The following ENTHD1 variants were observed in gnomAD, a reference collection of about 807,000 sequenced individuals.
ENTHD1 encodes ENTH domain containing 1.
ENTHD1 carries 23 observed loss-of-function variants against 39.1 expected under a neutral mutation model. The observed-to-expected ratio is 0.59, with a 90% CI of 0.42 to 0.83. The LOEUF is 0.83. ENTHD1 is among the 40% of genes least tolerant of loss of function. The probability of loss-of-function intolerance (pLI) is 0.00; values close to 1 mark genes in which losing one functional copy is unlikely to be tolerated. For missense variants in ENTHD1, 624 were observed against 705.4 expected (o/e 0.88, Z 1.31); for synonymous variants, 230 against 258.2 (o/e 0.89, Z 1.05).
At chr22:39,831,691 T>C (rs1003893953) in intron 4 of ENTHD1, among the ~76,000 whole-genome samples, 2 of 151,538 alleles carry the variant, frequency 1.3e-5, no homozygotes, top group African/African-American at 4.8e-5. Flanking sequence ...CCAGGTGTAG[T>C]GGCGGGCGTC....
At chr22:39,794,707 G>T (rs950294390) in intron 5 of ENTHD1, among the ~76,000 whole-genome samples, 7 of 152,066 alleles carry the variant, frequency 4.6e-5, no homozygotes, top group Non-Finnish European at 1.0e-4. Flanking sequence ...AGGAGGCTGA[G>T]GCAGGAGAAT....
At chr22:39,767,938 G>T (rs1291795271) in intron 5 of ENTHD1, among the ~76,000 whole-genome samples, 1 of 152,158 alleles carries the variant, frequency 6.6e-6, no homozygotes, top group Non-Finnish European at 1.5e-5. Context: ...AGAATAGGCT[G>T]CAATCTTTTG....
intron 3 of ENTHD1, among the ~76,000 whole-genome samples, chr22:39,847,070 C>T (rs1470766252): frequency 1.3e-5 from 2 of 151,970 alleles, no homozygotes; most frequent in African/African-American, 4.8e-5. Context: ...CACATGCACA[C>T]GTATGTTTAT....
In ENTHD1 at chr22:39,861,984, T is replaced by G. The variant is rs769048398; in HGVS notation, c.373A>C (p.Lys125Gln). The change falls in exon 3 of 7, where the codon AAG (lysine) becomes CAG (glutamine). Residue 125 changes from lysine (K) to glutamine (Q), a missense_variant. By Grantham distance (53) the Lys-to-Gln change is moderately conservative (BLOSUM62 1). Coordinates refer to ENST00000325157, the MANE Select transcript of ENTHD1 (RefSeq NM_152512.4). Reference sequence around the variant, plus strand: ...TCCATCAGCAATGTGATGACTTGCTTAGATTTTTCCCGGATATAATAACCT... The same window carrying G: ...TCCATCAGCAATGTGATGACTTGCTGAGATTTTTCCCGGATATAATAACCT... ...DQGYYIREKS[K>Q]QVITLLMDEP... 2 of 1,500,674 alleles carry G rather than the reference T, an allele frequency of 1.3e-6. No individual in the cohort carries two copies. Among genetic ancestry groups the G allele is most frequent in the African/African-American group, 1.4e-5 (1 of 73,520 alleles). 93.0% of individuals were successfully genotyped at this position (1,500,674 alleles called of 1,614,324 possible). A position where few individuals can be genotyped will look rare whatever the true frequency, so the allele number is the denominator to read the frequency against.
intron 6 of ENTHD1, among the ~76,000 whole-genome samples, chr22:39,761,962 A>G (rs2146550160): frequency 6.6e-6 from 1 of 152,220 alleles, no homozygotes; most frequent in Middle Eastern, 3.4e-3. Context: ...ATATTTTCCT[A>G]TTTCTTCAAA....
At chr22:39,857,155 C>G (rs1442087209) in intron 3 of ENTHD1, among the ~76,000 whole-genome samples, 2 of 151,988 alleles carry the variant, frequency 1.3e-5, no homozygotes, top group African/African-American at 4.8e-5. Context: ...AAAACGCAAT[C>G]TGTGGGGCTG....
intron 6 of ENTHD1, among the ~76,000 whole-genome samples, chr22:39,753,898 G>A (rs1390421677): frequency 6.6e-6 from 1 of 152,092 alleles, no homozygotes; most frequent in East Asian, 1.9e-4. Context: ...GCCTCACTGA[G>A]AGAACAGATG....
At chr22:39,862,662 C>T (rs1284552345) in intron 2 of ENTHD1, among the ~76,000 whole-genome samples, 1 of 151,814 alleles carries the variant, frequency 6.6e-6, no homozygotes, top group Non-Finnish European at 1.5e-5. Flanking sequence ...GATGTATGAC[C>T]AGGACACATG....
intron 5 of ENTHD1, among the ~76,000 whole-genome samples, chr22:39,803,993 C>A (rs894905519): frequency 6.6e-6 from 1 of 151,826 alleles, no homozygotes; most frequent in Non-Finnish European, 1.5e-5. Context: ...GAGACCCTGT[C>A]TCTATAAAAA....
At chr22:39,874,003 A>G (rs2066265890) in intron 2 of ENTHD1, among the ~76,000 whole-genome samples, 1 of 152,214 alleles carries the variant, frequency 6.6e-6, no homozygotes, top group Non-Finnish European at 1.5e-5. Context: ...AGGCCTCACA[A>G]TCATGGCAGA....
chr22:39,814,769 A>G (rs1469181203), intron 5 of ENTHD1, among the ~76,000 whole-genome samples: 1 of 152,222 alleles, frequency 6.6e-6, no homozygotes, highest in African/African-American at 2.4e-5. Context: ...GCTGCATTAA[A>G]TATTTAATTG....
Position 39,743,541 on chromosome 22 carries a change from A to G in ENTHD1, c.*138T>C. ...CCAAATGAAAGTATTAGTTTGAAAG[A>G]TACTTGCTAATAAACCTGACAAGGA... On this transcript the variant is annotated 3_prime_UTR_variant, in exon 7 of 7. Coordinates refer to ENST00000325157, the MANE Select transcript of ENTHD1 (RefSeq NM_152512.4). 1 of 999,634 alleles carries G rather than the reference A, an allele frequency of 1.0e-6. No individual in the cohort carries two copies. Among genetic ancestry groups the G allele is most frequent in the Middle Eastern group, 2.7e-4 (1 of 3,710 alleles). 61.9% of individuals were successfully genotyped at this position (999,634 alleles called of 1,614,324 possible). A position where few individuals can be genotyped will look rare whatever the true frequency, so the allele number is the denominator to read the frequency against.
chr22:39,863,766 ATAATT>A (rs1390490895), intron 2 of ENTHD1, among the ~76,000 whole-genome samples: 1 of 152,166 alleles, frequency 6.6e-6, no homozygotes, highest in African/African-American at 2.4e-5. Flanking sequence ...TTTTCTAACT[ATAATT>A]TACTAGCAGT....
chr22:39,841,630 C>G (rs2074889548), intron 3 of ENTHD1, among the ~76,000 whole-genome samples: 1 of 151,026 alleles, frequency 6.6e-6, no homozygotes, highest in Non-Finnish European at 1.5e-5. Flanking sequence ...CTATGTGTGT[C>G]TCTGCACGTG....
Position 39,761,531 on chromosome 22 carries a change from T to C in ENTHD1, c.1219+3692A>G, listed in dbSNP as rs368185116. On this transcript the variant is annotated intron_variant, in intron 6 of 6. Transcript: ENST00000325157. The stretch of plus-strand genomic sequence containing the variant: ...CAAATGATTTTTTCTGACCCCTATG[T>C]CTTTTCCTCACCTTTTAGAACTCCA... Among the ~76,000 whole-genome samples the C allele has an allele frequency of 1.1e-4, 16 of 152,334 alleles. No homozygotes were observed. In the East Asian group the frequency reaches 1.3e-3, roughly 13 times the overall value.
At chr22:39,810,107 G>A (rs1047718662) in intron 5 of ENTHD1, among the ~76,000 whole-genome samples, 13 of 152,128 alleles carry the variant, frequency 8.5e-5, no homozygotes, top group African/African-American at 3.1e-4. Flanking sequence ...TTGAGGGGAA[G>A]GTCTGAGCCC....
At chr22:39,802,112 C>T (rs2065603625) in intron 5 of ENTHD1, among the ~76,000 whole-genome samples, 1 of 152,144 alleles carries the variant, frequency 6.6e-6, no homozygotes, top group Non-Finnish European at 1.5e-5. Flanking sequence ...TCTCCTCCAC[C>T]CTCCCTTTCT....
chr22:39,775,814 T>C (rs1031968069), intron 5 of ENTHD1, among the ~76,000 whole-genome samples: 2 of 152,160 alleles, frequency 1.3e-5, no homozygotes, highest in African/African-American at 4.8e-5. Context: ...TGAATATATA[T>C]AATGCAGCAT....
chr22:39,854,704 GAA>G (rs796335685), intron 3 of ENTHD1, among the ~76,000 whole-genome samples: 12 of 141,184 alleles, frequency 8.5e-5, no homozygotes, highest in African/African-American at 2.9e-4. Flanking sequence ...TCCAAGAAAA[GAA>G]AAAAAAAAAG....
Sources: allele counts gnomAD v4.1 joint callset (sites outside exome capture counted in the v4.1 genomes callset), GRCh38; gene constraint gnomAD v4.1.1; transcripts MANE v1.5; gene names NCBI Gene and HGNC (gene_info 2026-07-23, HGNC 2026-07-21).